Variants in NEK1 observed in about 807,000 individuals in gnomAD.
The protein encoded by NEK1 is serine/threonine-protein kinase Nek1.
NEK1 carries 137 observed loss-of-function variants against 182.1 expected under a neutral mutation model. That is an observed-to-expected ratio of 0.75 (90% CI 0.65 to 0.87). The LOEUF is 0.87. Among genes scored for constraint, NEK1 ranks in the 40% least tolerant of loss-of-function variants. The pLI is 0.00. For synonymous variants in NEK1, 513 were observed against 492.2 expected, an observed-to-expected ratio of 1.04 and a Z score of -0.56; for missense variants, 1,391 against 1,494.4, an observed-to-expected ratio of 0.93 and a Z score of 1.14.
At position 169,424,745 on chromosome 4, in the gene NEK1, T is replaced by G. The variant is rs1161893982; in HGVS notation, c.3030A>C (p.Gln1010His). Residue 1010 changes from glutamine (Q) to histidine (H), a missense_variant, in exon 31 of 36, where the codon CAA becomes CAC. Physicochemically the swap from Gln to His is conservative, Grantham distance 24. Around this residue, in one of 5 missense-constraint regions of NEK1, gnomAD observed 1,216 missense variants for 1,277.6 expected, o/e 0.95. Transcript: ENST00000507142. ...CCACCTTATGGAAAAATGGTTCCGGTTGCACAGACTTATCTACATCACATT... is the reference window on the plus strand; with the variant it reads ...CCACCTTATGGAAAAATGGTTCCGGGTGCACAGACTTATCTACATCACATT... The part of the protein sequence containing the change: ...HSKCDVDKSV[Q>H]PEPFFHKVVH... The G allele has an allele frequency of 1.2e-6, 2 of 1,613,856 alleles. No individual in the cohort carries two copies. Among genetic ancestry groups the G allele is most frequent in the Non-Finnish European group, 8.5e-7 (1 of 1,179,802 alleles).
At chr4:169,611,583 A>C (rs997809728) in intron 2 of NEK1, among the ~76,000 whole-genome samples, 4 of 152,246 alleles carry the variant, frequency 2.6e-5, no homozygotes, top group Admixed American at 2.6e-4. Flanking sequence ...CCTGCAAAAA[A>C]AGTTATGATA....
intron 28 of NEK1, among the ~76,000 whole-genome samples, chr4:169,433,970 G>A (rs564477556): frequency 1.3e-5 from 2 of 152,118 alleles, no homozygotes; most frequent in South Asian, 2.1e-4. Flanking sequence ...TTAGTAATAT[G>A]TAAATTCATT....
chr4:169,432,393 T>C (rs1737600835), intron 29 of NEK1, among the ~76,000 whole-genome samples: 1 of 152,186 alleles, frequency 6.6e-6, no homozygotes, highest in Non-Finnish European at 1.5e-5. Context: ...TTATTACAGA[T>C]ATATACACAT....
At chr4:169,444,051 G>A (rs139414859) in intron 27 of NEK1, among the ~76,000 whole-genome samples, 15 of 152,250 alleles carry the variant, frequency 9.9e-5, no homozygotes, top group Admixed American at 9.2e-4. Flanking sequence ...GCTTAAGAGA[G>A]CACTACATGT....
At chr4:169,437,701 G>A (rs993057357) in intron 28 of NEK1, among the ~76,000 whole-genome samples, 2 of 152,128 alleles carry the variant, frequency 1.3e-5, no homozygotes, top group Non-Finnish European at 2.9e-5. Context: ...AGGGAGAGGG[G>A]CCCAGCTAAG....
chr4:169,513,270 T>C (rs1018950275), intron 19 of NEK1, among the ~76,000 whole-genome samples: 4 of 152,136 alleles, frequency 2.6e-5, no homozygotes, highest in Admixed American at 1.3e-4. Flanking sequence ...TTCACCAGCA[T>C]TTTGTCATTT....
chr4:169,428,550 G>C (rs1736848169), intron 29 of NEK1, among the ~76,000 whole-genome samples: 1 of 151,598 alleles, frequency 6.6e-6, no homozygotes, highest in African/African-American at 2.4e-5. Flanking sequence ...GCAGATTAGT[G>C]GCTGCCAGAG....
chr4:169,448,854 T>A (rs1039953242), intron 27 of NEK1, among the ~76,000 whole-genome samples: 5 of 152,208 alleles, frequency 3.3e-5, no homozygotes, highest in Admixed American at 6.5e-5. Flanking sequence ...GGGTGGGGCA[T>A]CACCTCACCT....
chr4:169,491,956 T>C lies in NEK1; in HGVS notation c.2008-12422A>G, dbSNP rs576878710. On this transcript the variant is annotated intron_variant, in intron 23 of 35. Coordinates refer to ENST00000507142, the MANE Select transcript of NEK1 (RefSeq NM_001199397.3). ...TAGTCTATTATTACTATAAGATGCT[T>C]TGTGTAAGCCTCATGATTAACTACA... is the stretch of plus-strand genomic sequence containing the variant. Among the ~76,000 whole-genome samples, 6 of 152,324 alleles carry C rather than the reference T, an allele frequency of 3.9e-5. No individual in the cohort carries two copies. In the East Asian group the frequency reaches 5.8e-4, roughly 15 times the overall value.
chr4:169,498,382 T>C (rs941516297), intron 23 of NEK1, among the ~76,000 whole-genome samples: 1 of 152,246 alleles, frequency 6.6e-6, no homozygotes, highest in Admixed American at 6.5e-5. Flanking sequence ...TGTCTTTTAA[T>C]TGGAGCATTT....
chr4:169,574,630 G>C, intron 12 of NEK1, among the ~76,000 whole-genome samples: 1 of 143,820 alleles, frequency 7.0e-6, no homozygotes, highest in Admixed American at 6.9e-5. Flanking sequence ...AAAAAAAAAA[G>C]ACAAGTGTCT....
At chr4:169,455,995 C>A (rs1032368766) in intron 27 of NEK1, among the ~76,000 whole-genome samples, 1 of 151,964 alleles carries the variant, frequency 6.6e-6, no homozygotes, top group Non-Finnish European at 1.5e-5. Context: ...TTCAAAAAAC[C>A]TGAAATTATA....
At chr4:169,593,639 C>G (rs2150106709) in intron 5 of NEK1, among the ~76,000 whole-genome samples, 1 of 152,254 alleles carries the variant, frequency 6.6e-6, no homozygotes, top group Middle Eastern at 3.4e-3. Flanking sequence ...CAGACTCTTG[C>G]TACATTAGGG....
At chr4:169,465,990 T>C (rs1744852057) in intron 26 of NEK1, among the ~76,000 whole-genome samples, 2 of 151,898 alleles carry the variant, frequency 1.3e-5, no homozygotes, top group African/African-American at 4.8e-5. Flanking sequence ...GAATATTAAC[T>C]ATAAAAAAGG....
intron 18 of NEK1, chr4:169,554,785 G>C (rs1244665332): frequency 6.6e-6 from 1 of 152,140 alleles, no homozygotes; most frequent in African/African-American, 2.4e-5. Context: ...ACAATACCAA[G>C]AGTAAACTCT....
Position 169,504,729 on chromosome 4 carries a change from C to T in NEK1, c.2007+2308G>A, listed in dbSNP as rs75089592. Among the ~76,000 whole-genome samples, 745 of 152,060 alleles carry T rather than the reference C, an allele frequency of 4.9e-3. 5 individuals are homozygous for T. Among genetic ancestry groups the T allele is most frequent in the African/African-American group, 0.017 (721 of 41,484 alleles). ...AACGGAACATGATTGTTATCAAAAG[C>T]TGGAAAGGGTAGTGCATGAAAGTGG... is the stretch of plus-strand genomic sequence containing the variant. On this transcript the variant is annotated intron_variant, in intron 23 of 35. Coordinates refer to ENST00000507142, the MANE Select transcript of NEK1 (RefSeq NM_001199397.3).
chr4:169,551,979 A>C (rs1214528141), intron 18 of NEK1, among the ~76,000 whole-genome samples: 1 of 152,140 alleles, frequency 6.6e-6, no homozygotes, highest in Non-Finnish European at 1.5e-5. Flanking sequence ...CAGCAAAAGA[A>C]AGAGTATTAA....
chr4:169,529,908 G>C (rs763744507), intron 19 of NEK1, among the ~76,000 whole-genome samples: 90 of 152,244 alleles, frequency 5.9e-4, no homozygotes, highest in African/African-American at 1.3e-3. Flanking sequence ...ATGCTGATGA[G>C]GATGCAGAGC....
At chr4:169,483,218 A>G (rs1355286116) in intron 23 of NEK1, among the ~76,000 whole-genome samples, 1 of 152,222 alleles carries the variant, frequency 6.6e-6, no homozygotes, top group East Asian at 1.9e-4. Context: ...ATTAGAACAC[A>G]CACATTCATC....
Sources: allele counts gnomAD v4.1 joint callset (sites outside exome capture counted in the v4.1 genomes callset), GRCh38; gene constraint gnomAD v4.1.1; regional missense constraint gnomAD v4.1.1; transcripts MANE v1.5; gene names NCBI Gene and HGNC (gene_info 2026-07-23, HGNC 2026-07-21).